The following PTPRT variants were observed in gnomAD, a reference collection of about 807,000 sequenced individuals.
PTPRT encodes protein tyrosine phosphatase receptor type T, also known as receptor-type tyrosine-protein phosphatase T.
A neutral mutation model predicts 176.8 loss-of-function variants in PTPRT; 56 were observed. That is an observed-to-expected ratio of 0.32 (90% CI 0.26 to 0.40). The LOEUF (loss-of-function observed/expected upper bound fraction) is 0.40, where lower values mean the gene tolerates loss of function less well. PTPRT is among the 10% of genes least tolerant of loss of function. PTPRT has a pLI of 1.00. For missense variants in PTPRT, 1,540 were observed against 1,908.2 expected (o/e 0.81, Z 3.60); for synonymous variants, 783 against 739.0 (o/e 1.06, Z -0.96).
chr20:42,412,491 CAGTT>C (rs937378153), intron 9 of PTPRT, among the ~76,000 whole-genome samples: 3 of 152,290 alleles, frequency 2.0e-5, no homozygotes, highest in Admixed American at 6.5e-5. Context: ...CTTTGGAAAA[CAGTT>C]AGGCAGCTTC....
chr20:42,458,201 A>G lies in PTPRT; in HGVS notation c.1451-9872T>C, dbSNP rs62203512. ...CATCGTTTTACAGTTGTCAGTGCAG[A>G]TACAAAGGTGTTTTTCTCTATATTT... is the stretch of plus-strand genomic sequence containing the variant. On this transcript the variant is annotated intron_variant, in intron 8 of 30. Coordinates refer to ENST00000373187, the MANE Select transcript of PTPRT (RefSeq NM_007050.6). 8.7e-3 allele frequency among the ~76,000 whole-genome samples: 1,326 copies of G among 152,304 alleles called. 11 individuals carry two copies. The highest frequency in any genetic ancestry group is 0.014 in the Middle Eastern group (4 of 294).
intron 1 of PTPRT, among the ~76,000 whole-genome samples, chr20:42,907,002 A>C (rs1347060354): frequency 6.6e-6 from 1 of 152,104 alleles, no homozygotes; most frequent in Non-Finnish European, 1.5e-5. Context: ...CCCTAATATA[A>C]CACCTGGTTT....
At chr20:42,234,881 G>A (rs2056209403) in intron 15 of PTPRT, among the ~76,000 whole-genome samples, 2 of 152,204 alleles carry the variant, frequency 1.3e-5, no homozygotes, top group Admixed American at 1.3e-4. Flanking sequence ...GAGGGGATGG[G>A]GAGGCCTTTT....
chr20:42,101,771 C>T lies in PTPRT; in HGVS notation c.3714+353G>A, dbSNP rs560255647. On this transcript the variant is annotated intron_variant, in intron 26 of 30. Coordinates refer to ENST00000373187, the MANE Select transcript of PTPRT (RefSeq NM_007050.6). ...TTGTGTTCCCACGCTCAGGCCAAGGCCCAGCACAGAAAATACCTGCTTTAC... is the reference window on the plus strand; with the variant it reads ...TTGTGTTCCCACGCTCAGGCCAAGGTCCAGCACAGAAAATACCTGCTTTAC... Among the ~76,000 whole-genome samples the T allele has an allele frequency of 1.1e-4, 17 of 152,362 alleles. No homozygotes were observed. The South Asian group carries it at 3.5e-3, about 32-fold the overall frequency.
intron 1 of PTPRT, among the ~76,000 whole-genome samples, chr20:42,958,552 GA>G (rs1981808908): frequency 1.3e-5 from 2 of 151,988 alleles, no homozygotes; most frequent in South Asian, 4.2e-4. Flanking sequence ...ATCATTTGCA[GA>G]TAGATAAATG....
chr20:43,051,169 A>C (rs3092089), intron 1 of PTPRT, among the ~76,000 whole-genome samples: 69,230 of 151,796 alleles, frequency 0.46, 19,062 homozygotes, highest in African/African-American at 0.77. Flanking sequence ...TTCTTGGATC[A>C]AGCTATACCT....
intron 1 of PTPRT, among the ~76,000 whole-genome samples, chr20:42,955,941 C>G (rs1023462661): frequency 4.6e-5 from 7 of 152,122 alleles, no homozygotes; most frequent in Admixed American, 4.6e-4. Flanking sequence ...TAAACATCAC[C>G]GCTTGCTTGG....
chr20:42,759,630 C>T (rs1418773094), intron 5 of PTPRT, among the ~76,000 whole-genome samples: 1 of 152,192 alleles, frequency 6.6e-6, no homozygotes, highest in East Asian at 1.9e-4. Flanking sequence ...CACAGAAGTC[C>T]AGGAAAAATT....
At chr20:42,429,762 A>G (rs1033839151) in intron 9 of PTPRT, among the ~76,000 whole-genome samples, 2 of 152,220 alleles carry the variant, frequency 1.3e-5, no homozygotes, top group South Asian at 2.1e-4. Flanking sequence ...TCTATTATAA[A>G]CTAACAAGTA....
At chr20:42,217,376 TACACACACACACACAC>T (rs71335847) in intron 15 of PTPRT, among the ~76,000 whole-genome samples, 37 of 104,374 alleles carry the variant, frequency 3.5e-4, no homozygotes, top group Admixed American at 4.8e-4. Flanking sequence ...CTCTCAAACA[TACACACACACACACAC>T]ACACACACAC....
At chr20:42,224,364 T>G (rs1213924841) in intron 15 of PTPRT, among the ~76,000 whole-genome samples, 1 of 152,188 alleles carries the variant, frequency 6.6e-6, no homozygotes. Flanking sequence ...CTCTGTACAT[T>G]TATGAACAGT....
intron 1 of PTPRT, among the ~76,000 whole-genome samples, chr20:43,096,544 G>T (rs2012176674): frequency 6.6e-6 from 1 of 152,194 alleles, no homozygotes; most frequent in Non-Finnish European, 1.5e-5. Context: ...GACAGAGGGG[G>T]TTCCTCCACT....
intron 2 of PTPRT, among the ~76,000 whole-genome samples, chr20:42,794,126 T>C (rs994990662): frequency 4.6e-5 from 7 of 152,324 alleles, no homozygotes; most frequent in African/African-American, 7.2e-5. Flanking sequence ...GAGGTAGAGA[T>C]TGCCCTGTTC....
At chr20:42,930,477 C>A (rs1979767264) in intron 1 of PTPRT, among the ~76,000 whole-genome samples, 1 of 151,154 alleles carries the variant, frequency 6.6e-6, no homozygotes, top group Admixed American at 6.6e-5. Context: ...TTACTTATTT[C>A]TATTTAATTA....
At chr20:42,697,816 T>C (rs1471827482) in intron 6 of PTPRT, among the ~76,000 whole-genome samples, 1 of 152,242 alleles carries the variant, frequency 6.6e-6, no homozygotes, top group Non-Finnish European at 1.5e-5. Context: ...ATTGATGGTC[T>C]CAGTGAAATT....
chr20:42,462,929 A>T (rs1170716102), intron 8 of PTPRT, among the ~76,000 whole-genome samples: 1 of 152,182 alleles, frequency 6.6e-6, no homozygotes, highest in Non-Finnish European at 1.5e-5. Flanking sequence ...TGCATAGTGA[A>T]GTAGTGGATG....
At chr20:43,104,110 T>C (rs1176670194) in intron 1 of PTPRT, among the ~76,000 whole-genome samples, 2 of 152,158 alleles carry the variant, frequency 1.3e-5, no homozygotes, top group Non-Finnish European at 2.9e-5. Context: ...TACTTCCAAG[T>C]AAATTCTAAG....
chr20:42,589,927 G>C (rs1247461331), intron 7 of PTPRT, among the ~76,000 whole-genome samples: 1 of 152,148 alleles, frequency 6.6e-6, no homozygotes, highest in Non-Finnish European at 1.5e-5. Flanking sequence ...CTTACAATGT[G>C]ATCTTGTCAC....
intron 6 of PTPRT, among the ~76,000 whole-genome samples, chr20:42,694,382 G>C (rs2075840733): frequency 6.6e-6 from 1 of 152,044 alleles, no homozygotes; most frequent in African/African-American, 2.4e-5. Context: ...TATTTTTGTT[G>C]CTGTGTAGTT....
Sources: allele counts gnomAD v4.1 joint callset (sites outside exome capture counted in the v4.1 genomes callset), GRCh38; gene constraint gnomAD v4.1.1; transcripts MANE v1.5; gene names NCBI Gene and HGNC (gene_info 2026-07-23, HGNC 2026-07-21).